The following HS6ST3 variants were observed in gnomAD, a reference collection of about 807,000 sequenced individuals.
HS6ST3 encodes heparan-sulfate 6-O-sulfotransferase 3.
HS6ST3 carries 12 observed loss-of-function variants against 36.7 expected under a neutral mutation model. The ratio of observed to expected loss-of-function variants is 0.33; its 90% CI spans 0.21 to 0.53. The LOEUF is 0.53. Ranked by LOEUF, HS6ST3 falls within the 20% of genes least tolerant of loss-of-function variation. The pLI is 0.95. For synonymous variants in HS6ST3, 240 were observed against 257.5 expected (o/e 0.93, Z 0.65); for missense variants, 584 against 640.9 (o/e 0.91, Z 0.96).
chr13:96,707,204 A>G (rs1325392715), intron 1 of HS6ST3, among the ~76,000 whole-genome samples: 1 of 152,114 alleles, frequency 6.6e-6, no homozygotes. Flanking sequence ...TGGAGTCTTT[A>G]TTAGTGGGAT....
chr13:96,658,268 C>CT lies in HS6ST3; in HGVS notation c.708-174192dup, dbSNP rs71213623. Among the ~76,000 whole-genome samples, 26 of 76,166 alleles carry CT rather than the reference C, an allele frequency of 3.4e-4. 1 individual carries two copies. The highest frequency in any genetic ancestry group is 4.3e-4 in the African/African-American group (8 of 18,514). 50.0% of individuals were successfully genotyped at this position (76,166 alleles called of 152,430 possible). On this transcript the variant is annotated intron_variant, in intron 1 of 1. Transcript: ENST00000376705. ...TTCTTCTTCTTCTTCTCTTCTTCTT[C>CT]TTTTTTTTTTTTTTTTTTTTTTTTT...
intron 1 of HS6ST3, among the ~76,000 whole-genome samples, chr13:96,330,913 C>T (rs1408104696): frequency 0.014 from 2,154 of 151,292 alleles, 21 homozygotes; most frequent in East Asian, 0.053. Flanking sequence ...AACTTCCCTT[C>T]TCGCTTCATT....
At chr13:96,332,737 A>G (rs1455808320) in intron 1 of HS6ST3, among the ~76,000 whole-genome samples, 2 of 152,262 alleles carry the variant, frequency 1.3e-5, no homozygotes, top group Non-Finnish European at 2.9e-5. Flanking sequence ...AAATTGCTTA[A>G]TATCTAAACC....
chr13:96,771,723 A>G (rs982355865), intron 1 of HS6ST3, among the ~76,000 whole-genome samples: 2 of 152,230 alleles, frequency 1.3e-5, no homozygotes, highest in African/African-American at 4.8e-5. Flanking sequence ...CAGTTAGAGC[A>G]GATCCTGACA....
At chr13:96,762,042 AT>A (rs1876983968) in intron 1 of HS6ST3, among the ~76,000 whole-genome samples, 1 of 152,060 alleles carries the variant, frequency 6.6e-6, no homozygotes, top group African/African-American at 2.4e-5. Context: ...CATTTAAGTT[AT>A]TTTTATGTTT....
At chr13:96,823,756 A>G (rs781202300) in intron 1 of HS6ST3, among the ~76,000 whole-genome samples, 1 of 152,008 alleles carries the variant, frequency 6.6e-6, no homozygotes, top group Non-Finnish European at 1.5e-5. Flanking sequence ...AGTAGCTGGG[A>G]TTACAGTCGC....
At chr13:96,524,162 G>C (rs1198494526) in intron 1 of HS6ST3, among the ~76,000 whole-genome samples, 1 of 152,160 alleles carries the variant, frequency 6.6e-6, no homozygotes, top group Non-Finnish European at 1.5e-5. Context: ...TCCAGACTCT[G>C]TTTGCCTGGG....
In HS6ST3 at chr13:96,140,024, C is replaced by T. The variant is rs189112959; in HGVS notation, c.707+48455C>T. On this transcript the variant is annotated intron_variant, in intron 1 of 1. Transcript: ENST00000376705. Reference sequence around the variant, plus strand: ...AATTTGAAAAAACTCACAGATGAGCCGTGTAGCCTAGAAATTTCAAAAAAT... The same window carrying T: ...AATTTGAAAAAACTCACAGATGAGCTGTGTAGCCTAGAAATTTCAAAAAAT... 9.9e-5 allele frequency among the ~76,000 whole-genome samples: 15 copies of T among 151,790 alleles called. No homozygotes were observed. In the East Asian group the frequency reaches 1.4e-3, roughly 14 times the overall value.
intron 1 of HS6ST3, among the ~76,000 whole-genome samples, chr13:96,188,163 T>C (rs1220017419): frequency 6.6e-6 from 1 of 152,252 alleles, no homozygotes; most frequent in Non-Finnish European, 1.5e-5. Flanking sequence ...TGAGGTTTAC[T>C]GTAAAGTACT....
chr13:96,437,369 A>T (rs968601791), intron 1 of HS6ST3, among the ~76,000 whole-genome samples: 1 of 152,196 alleles, frequency 6.6e-6, no homozygotes, highest in Non-Finnish European at 1.5e-5. Context: ...TTGTTTCATT[A>T]TTCAGGCTCT....
At chr13:96,371,624 C>T (rs1056091702) in intron 1 of HS6ST3, among the ~76,000 whole-genome samples, 4 of 152,162 alleles carry the variant, frequency 2.6e-5, no homozygotes, top group African/African-American at 9.7e-5. Context: ...CCCCATTTCC[C>T]CCACTCCCAG....
intron 1 of HS6ST3, among the ~76,000 whole-genome samples, chr13:96,461,396 T>G (rs1049147482): frequency 6.6e-6 from 1 of 152,172 alleles, no homozygotes; most frequent in Non-Finnish European, 1.5e-5. Flanking sequence ...TTAATAATAT[T>G]ACCTGAGCCT....
chr13:96,773,093 G>A (rs892851191), intron 1 of HS6ST3, among the ~76,000 whole-genome samples: 1 of 152,196 alleles, frequency 6.6e-6, no homozygotes, highest in Non-Finnish European at 1.5e-5. Flanking sequence ...GCCAAGGGAA[G>A]CCCTGAGGGA....
chr13:96,485,128 G>T (rs190683294), intron 1 of HS6ST3, among the ~76,000 whole-genome samples: 1 of 152,198 alleles, frequency 6.6e-6, no homozygotes, highest in African/African-American at 2.4e-5. Flanking sequence ...AAAATAACTT[G>T]CTGGGATTTT....
intron 1 of HS6ST3, among the ~76,000 whole-genome samples, chr13:96,118,256 T>G (rs2053903150): frequency 6.6e-6 from 1 of 152,116 alleles, no homozygotes; most frequent in Non-Finnish European, 1.5e-5. Context: ...TAATTCGATA[T>G]GACTGGTGTC....
chr13:96,278,326 G>A (rs1284273365), intron 1 of HS6ST3, among the ~76,000 whole-genome samples: 1 of 152,068 alleles, frequency 6.6e-6, no homozygotes, highest in East Asian at 1.9e-4. Context: ...ATATCCTGTG[G>A]GGTTTTCATC....
At chr13:96,377,663 A>G (rs936265983) in intron 1 of HS6ST3, among the ~76,000 whole-genome samples, 4 of 152,170 alleles carry the variant, frequency 2.6e-5, no homozygotes, top group Admixed American at 6.5e-5. Context: ...TAAGGCACAG[A>G]CTTAGGATAC....
chr13:96,102,251 ACTT>A lies in HS6ST3; in HGVS notation c.707+10685_707+10687del, dbSNP rs552624715. Among the ~76,000 whole-genome samples the A allele has an allele frequency of 7.4e-4, 112 of 152,316 alleles. No individual in the cohort carries two copies. The South Asian group carries it at 8.9e-3, about 12-fold the overall frequency. On this transcript the variant is annotated intron_variant, in intron 1 of 1. Transcript: ENST00000376705. ...ATGTCAAAACTACTTGTGTCTAAAA[ACTT>A]CTCACAACATGAAGGAACCTGTGTA...
At chr13:96,112,210 C>A (rs553213706) in intron 1 of HS6ST3, among the ~76,000 whole-genome samples, 1 of 152,034 alleles carries the variant, frequency 6.6e-6, no homozygotes, top group East Asian at 1.9e-4. Context: ...CATTTAATAA[C>A]CAGTTTCCCA....
Sources: gnomAD v4.1 joint callset for allele counts (sites outside exome capture counted in the v4.1 genomes callset) on GRCh38, gnomAD v4.1.1 for gene constraint, MANE v1.5 for transcripts, NCBI Gene and HGNC (gene_info 2026-07-23, HGNC 2026-07-21) for gene names.